Variants in HPSE observed in about 807,000 individuals in gnomAD.
HPSE encodes heparanase, also known as endo-glucoronidase.
In HPSE, 48 loss-of-function variants were observed where a neutral mutation model predicts 65.1. The ratio of observed to expected loss-of-function variants is 0.74; its 90% confidence interval spans 0.58 to 0.94. The LOEUF (loss-of-function observed/expected upper bound fraction) is 0.94, where lower values mean the gene tolerates loss of function less well. Ranked by LOEUF, HPSE falls within the 40% of genes least tolerant of loss-of-function variation. The probability of loss-of-function intolerance (pLI) is 0.00; values close to 1 mark genes in which losing one functional copy is unlikely to be tolerated. For synonymous variants in HPSE, 243 were observed against 260.0 expected (o/e 0.93, Z 0.63); for missense variants, 644 against 637.5 (o/e 1.01, Z -0.11).
At chr4:83,321,080 C>T (rs1270572874) in intron 2 of HPSE, among the ~76,000 whole-genome samples, 1 of 152,102 alleles carries the variant, frequency 6.6e-6, no homozygotes, top group African/African-American at 2.4e-5. Flanking sequence ...CACCTGTGGT[C>T]CCAGCTACTC....
intron 1 of HPSE, among the ~76,000 whole-genome samples, chr4:83,331,128 C>T (rs1416056132): frequency 6.6e-6 from 1 of 151,848 alleles, no homozygotes; most frequent in Non-Finnish European, 1.5e-5. Flanking sequence ...AACTTGAACC[C>T]GGGAGGCGGA....
chr4:83,300,984 A>G lies in HPSE; in HGVS notation c.1448T>C (p.Leu483Ser). The change falls in exon 11 of 12, where the codon TTG (leucine) becomes TCG (serine). Residue 483 changes from leucine to serine, a missense_variant. By Grantham distance (145) the Leu-to-Ser change is moderately radical. Transcript: ENST00000311412. ...CTTGGAAAGTAATCCATGAGGTCCC[A>G]AAGGTCTTAGAAGGTATTTATCCAC... Reference protein sequence around the residue: ...KQVDKYLLRPLGPHGLLSKSV... With the variant: ...KQVDKYLLRPSGPHGLLSKSV... 6.2e-7 allele frequency: 1 copy of G among 1,600,440 alleles called. No individual in the cohort carries two copies. Among genetic ancestry groups the G allele is most frequent in the Non-Finnish European group, 8.5e-7 (1 of 1,174,028 alleles).
intron 1 of HPSE, among the ~76,000 whole-genome samples, chr4:83,324,777 GA>G (rs758046678): frequency 2.0e-5 from 3 of 152,184 alleles, no homozygotes; most frequent in Admixed American, 6.5e-5. Flanking sequence ...GAAAACAGAG[GA>G]TGCACTATTG....
chr4:83,304,136 T>C (rs1424697319), intron 9 of HPSE, among the ~76,000 whole-genome samples: 1 of 152,088 alleles, frequency 6.6e-6, no homozygotes, highest in Non-Finnish European at 1.5e-5. Flanking sequence ...GAGCAAATTT[T>C]TGGACAAGAG....
In HPSE at chr4:83,302,897, C is replaced by T. The variant is rs111637904; in HGVS notation, c.1207-629G>A. Among the ~76,000 whole-genome samples, 18 of 152,246 alleles carry T rather than the reference C, an allele frequency of 1.2e-4. 1 individual carries two copies. The highest frequency in any genetic ancestry group is 4.3e-4 in the African/African-American group (18 of 41,542). On this transcript the variant is annotated intron_variant, in intron 9 of 11. Transcript: ENST00000311412. ...GGCTGAGGTGAGAAGATCACCTGAT[C>T]CCAGGAGGTCAAGGCTGCAGTGAGC...
At chr4:83,296,589 C>A (rs546112139) in intron 11 of HPSE, among the ~76,000 whole-genome samples, 1 of 151,054 alleles carries the variant, frequency 6.6e-6, no homozygotes, top group African/African-American at 2.4e-5. Flanking sequence ...ACATGAGAAT[C>A]GTTTGAACCT....
Position 83,310,807 on chromosome 4 carries a change from G to C in HPSE, c.757C>G (p.Leu253Val), listed in dbSNP as rs1478959011. 6.2e-7 allele frequency: 1 copy of C among 1,614,028 alleles called. No homozygotes were observed. The highest frequency in any genetic ancestry group is 1.1e-5 in the South Asian group (1 of 91,076). Residue 253 changes from leucine (L) to valine (V), a missense_variant, in exon 5 of 12, where the codon CTA (leucine) becomes GTA (valine). By Grantham distance (32) the Leu-to-Val change is conservative. Coordinates refer to ENST00000311412, the MANE Select transcript of HPSE (RefSeq NM_001098540.3). ...GCATTTTTGAAGGTGGACTTTCTTA[G>C]AAGTTTATGCAATTGAATAAAATCT... ...GEDFIQLHKL[L>V]RKSTFKNAKL...
At chr4:83,309,930 C>A in intron 6 of HPSE, 101 bp downstream of exon 6, 1 of 758,256 alleles carries the variant, frequency 1.3e-6, no homozygotes, top group Non-Finnish European at 2.2e-6. Flanking sequence ...CTTATTTGAA[C>A]TGCAGTCAAT....
intron 1 of HPSE, among the ~76,000 whole-genome samples, chr4:83,329,514 G>T (rs1252906115): frequency 6.6e-6 from 1 of 152,114 alleles, no homozygotes; most frequent in Non-Finnish European, 1.5e-5. Flanking sequence ...TTTAAAAATT[G>T]TTATGATGGG....
At chr4:83,332,788 T>A (rs1737435700) in intron 1 of HPSE, among the ~76,000 whole-genome samples, 1 of 152,200 alleles carries the variant, frequency 6.6e-6, no homozygotes. Context: ...GACCTGTTAC[T>A]CCAGGGGGGA....
At chr4:83,321,058 T>C (rs1049690670) in intron 2 of HPSE, among the ~76,000 whole-genome samples, 4 of 151,988 alleles carry the variant, frequency 2.6e-5, no homozygotes, top group African/African-American at 7.2e-5. Flanking sequence ...ATTAGCTGGG[T>C]GTGGTGACAT....
intron 8 of HPSE, among the ~76,000 whole-genome samples, chr4:83,308,512 A>T (rs1736236027): frequency 6.6e-6 from 1 of 152,182 alleles, no homozygotes; most frequent in Non-Finnish European, 1.5e-5. Flanking sequence ...CTCCCAAAGT[A>T]TTGGGATTAC....
At chr4:83,320,400 A>T (rs537882137) in intron 2 of HPSE, among the ~76,000 whole-genome samples, 1 of 152,194 alleles carries the variant, frequency 6.6e-6, no homozygotes, top group Admixed American at 6.5e-5. Context: ...CCCTGCCTCT[A>T]CTAAAAATAC....
intron 1 of HPSE, among the ~76,000 whole-genome samples, chr4:83,325,716 T>C (rs1190854010): frequency 6.6e-6 from 1 of 152,204 alleles, no homozygotes; most frequent in Non-Finnish European, 1.5e-5. Context: ...ACTCCTAATC[T>C]AGACCTTGGG....
chr4:83,321,112 T>C (rs1333565231), intron 2 of HPSE, among the ~76,000 whole-genome samples: 1 of 152,008 alleles, frequency 6.6e-6, no homozygotes, highest in Non-Finnish European at 1.5e-5. Flanking sequence ...GTGGGAAGAT[T>C]GCTTGAGCCC....
At chr4:83,321,569 C>T (rs1251638374) in intron 2 of HPSE, among the ~76,000 whole-genome samples, 1 of 152,170 alleles carries the variant, frequency 6.6e-6, no homozygotes, top group East Asian at 1.9e-4. Context: ...GCCTCAGCCT[C>T]CCAAAGTGTT....
chr4:83,297,609 C>G (rs1735781899), intron 11 of HPSE, among the ~76,000 whole-genome samples: 1 of 152,168 alleles, frequency 6.6e-6, no homozygotes, highest in African/African-American at 2.4e-5. Context: ...CATCAGTGAG[C>G]AGAAAAACTG....
chr4:83,333,599 T>C (rs1441166858), intron 1 of HPSE, among the ~76,000 whole-genome samples: 1 of 152,168 alleles, frequency 6.6e-6, no homozygotes, highest in Non-Finnish European at 1.5e-5. Context: ...GGATTGTCCC[T>C]GTAGCTCCCC....
chr4:83,298,925 A>T (rs10001403), intron 11 of HPSE, among the ~76,000 whole-genome samples: 136,895 of 152,190 alleles, frequency 0.9, 62,439 homozygotes, highest in East Asian at 0.99. Context: ...TGTGCACTCA[A>T]AAACTTATCT....
Sources: allele counts gnomAD v4.1 joint callset (sites outside exome capture counted in the v4.1 genomes callset), GRCh38; gene constraint gnomAD v4.1.1; transcripts MANE v1.5; gene names NCBI Gene and HGNC (gene_info 2026-07-23, HGNC 2026-07-21).